CCDC102B: variants seen among roughly 807,000 people sequenced by gnomAD.
CCDC102B encodes coiled-coil domain-containing protein 102B.
CCDC102B carries 75 observed loss-of-function variants against 57.4 expected under a neutral mutation model. That is an observed-to-expected ratio of 1.31 (90% CI 1.08 to 1.58). The LOEUF (loss-of-function observed/expected upper bound fraction) is 1.58. Among genes scored for constraint, CCDC102B ranks in the 40% most tolerant of loss-of-function variants. CCDC102B has a pLI of 0.00. For missense variants in CCDC102B, 636 were observed against 582.6 expected, an observed-to-expected ratio of 1.09 and a Z score of -0.94; for synonymous variants, 206 against 201.9, an observed-to-expected ratio of 1.02 and a Z score of -0.17.
chr18:68,938,897 A>G (rs1429602297), intron 6 of CCDC102B, among the ~76,000 whole-genome samples: 4 of 151,698 alleles, frequency 2.6e-5, no homozygotes, highest in Non-Finnish European at 5.9e-5. Context: ...TAGGAAATCC[A>G]ATAAAATATC....
At chr18:68,807,337 A>G (rs889164335) in intron 1 of CCDC102B, among the ~76,000 whole-genome samples, 2 of 152,164 alleles carry the variant, frequency 1.3e-5, no homozygotes, top group African/African-American at 4.8e-5. Flanking sequence ...AGTCCACACA[A>G]TTCTTAGTAC....
chr18:68,792,343 G>A (rs142493898), intron 2 of CCDC102B, among the ~76,000 whole-genome samples: 167 of 152,170 alleles, frequency 1.1e-3, no homozygotes, highest in Middle Eastern at 3.4e-3. Context: ...TGCTTTGCTC[G>A]GAGCCTAAGT....
chr18:68,758,645 G>A (rs1020649508), intron 2 of CCDC102B, among the ~76,000 whole-genome samples: 2 of 151,176 alleles, frequency 1.3e-5, no homozygotes, highest in South Asian at 2.1e-4. Flanking sequence ...AGGAGACTGC[G>A]ATAAGCTCTG....
chr18:68,733,312 G>A (rs2145206618), intron 2 of CCDC102B, among the ~76,000 whole-genome samples: 1 of 152,046 alleles, frequency 6.6e-6, no homozygotes, highest in East Asian at 1.9e-4. Context: ...GGGGAGAAAT[G>A]TCATCGCATC....
chr18:68,904,912 C>T (rs1300024211), intron 6 of CCDC102B, among the ~76,000 whole-genome samples: 1 of 152,142 alleles, frequency 6.6e-6, no homozygotes, highest in Non-Finnish European at 1.5e-5. Flanking sequence ...TTGCTAAAAT[C>T]ATGAATTTTA....
At chr18:68,883,019 A>G (rs752663094) in intron 5 of CCDC102B, among the ~76,000 whole-genome samples, 3 of 152,168 alleles carry the variant, frequency 2.0e-5, no homozygotes, top group South Asian at 2.1e-4. Context: ...AAAACAACTA[A>G]TGGGTATTAG....
chr18:68,807,808 T>C lies in CCDC102B; in HGVS notation c.-16+9627T>C, dbSNP rs1340600914. Among the ~76,000 whole-genome samples the C allele has an allele frequency of 3.9e-5, 6 of 152,168 alleles. No individual in the cohort carries two copies. In the East Asian group the frequency reaches 1.2e-3, roughly 29 times the overall value. On this transcript the variant is annotated intron_variant, in intron 1 of 7. Transcript: ENST00000360242. ...GATTCTACTTTCTAGTTAAATTTTT[T>C]ATTTTCTTTATTGCTACCTTCTCCT... is the stretch of plus-strand genomic sequence containing the variant.
intron 5 of CCDC102B, among the ~76,000 whole-genome samples, chr18:68,881,569 G>A (rs756559278): frequency 2.0e-5 from 3 of 152,024 alleles, no homozygotes; most frequent in Non-Finnish European, 4.4e-5. Context: ...TAATGTGGGT[G>A]GATTTCATCC....
intron 5 of CCDC102B, among the ~76,000 whole-genome samples, chr18:68,877,914 A>G (rs899682803): frequency 6.6e-6 from 1 of 152,180 alleles, no homozygotes; most frequent in African/African-American, 2.4e-5. Context: ...GTGGCTCGTA[A>G]TCACTCAACA....
At chr18:69,023,039 T>C (rs557354955) in intron 7 of CCDC102B, among the ~76,000 whole-genome samples, 98 of 151,786 alleles carry the variant, frequency 6.5e-4, no homozygotes, top group Non-Finnish European at 1.2e-3. Flanking sequence ...GTCTTTCTGA[T>C]CGATGACTGC....
chr18:69,013,573 A>T (rs1235987286), intron 7 of CCDC102B, among the ~76,000 whole-genome samples: 1 of 152,214 alleles, frequency 6.6e-6, no homozygotes, highest in African/African-American at 2.4e-5. Flanking sequence ...GTGGTAAGAA[A>T]ATATGTTGAA....
chr18:68,854,427 A>G (rs1287521976), intron 4 of CCDC102B, among the ~76,000 whole-genome samples: 1 of 152,148 alleles, frequency 6.6e-6, no homozygotes, highest in Non-Finnish European at 1.5e-5. Context: ...CAATACATAT[A>G]AAAATCATTT....
intron 5 of CCDC102B, among the ~76,000 whole-genome samples, chr18:68,878,475 T>C (rs2039539963): frequency 6.6e-6 from 1 of 152,134 alleles, no homozygotes; most frequent in African/African-American, 2.4e-5. Context: ...TCCCCAAATT[T>C]ATATACTGAC....
intron 7 of CCDC102B, among the ~76,000 whole-genome samples, chr18:69,011,679 T>A (rs973512485): frequency 6.6e-6 from 1 of 151,860 alleles, no homozygotes; most frequent in Non-Finnish European, 1.5e-5. Flanking sequence ...TTGTTTTTGT[T>A]TTTTGTTTTT....
chr18:68,874,830 G>T, intron 5 of CCDC102B, 45 bp downstream of exon 5: 2 of 1,216,166 alleles, frequency 1.6e-6, no homozygotes, highest in South Asian at 2.5e-5. Context: ...AAACATAACT[G>T]ACTGTTGTTA....
intron 6 of CCDC102B, among the ~76,000 whole-genome samples, chr18:68,972,029 T>C (rs974333074): frequency 2.6e-5 from 4 of 152,108 alleles, no homozygotes; most frequent in African/African-American, 4.8e-5. Context: ...CAAGACCACA[T>C]GCTTGGAAAG....
chr18:68,923,648 G>A (rs530738466), intron 6 of CCDC102B, among the ~76,000 whole-genome samples: 2 of 152,102 alleles, frequency 1.3e-5, no homozygotes, highest in Admixed American at 6.6e-5. Flanking sequence ...TCACACTAAA[G>A]AGTGAAGAAA....
intron 7 of CCDC102B, among the ~76,000 whole-genome samples, chr18:69,028,078 C>T (rs1568134890): frequency 6.6e-6 from 1 of 152,178 alleles, no homozygotes; most frequent in South Asian, 2.1e-4. Context: ...ACAGAACTTA[C>T]AATCCATTTG....
chr18:68,857,354 TATATATATTTATTTCTATATATAA>T (rs1305105669), intron 4 of CCDC102B, among the ~76,000 whole-genome samples: 1 of 103,074 alleles, frequency 9.7e-6, no homozygotes, highest in African/African-American at 3.7e-5. Flanking sequence ...ATATTATAAA[TATATATATTTATTTCTATATATAA>T]ATATATATTT....
Sources: gnomAD v4.1 joint callset for allele counts (sites outside exome capture counted in the v4.1 genomes callset) on GRCh38, gnomAD v4.1.1 for gene constraint, MANE v1.5 for transcripts, NCBI Gene and HGNC (gene_info 2026-07-23, HGNC 2026-07-21) for gene names.